The following SLC30A8 variants were observed in gnomAD, a reference collection of about 807,000 sequenced individuals.
The protein encoded by SLC30A8 is proton-coupled zinc antiporter SLC30A8.
In SLC30A8, 27 loss-of-function variants were observed where a neutral mutation model predicts 36.9. That is an observed-to-expected ratio of 0.73 (90% confidence interval 0.54 to 1.01). The LOEUF is 1.01. SLC30A8 is among the 50% of genes least tolerant of loss of function. SLC30A8 has a pLI of 0.00. For synonymous variants in SLC30A8, 164 were observed against 172.4 expected, an observed-to-expected ratio of 0.95 and a Z score of 0.38; for missense variants, 439 against 452.0, an observed-to-expected ratio of 0.97 and a Z score of 0.26.
intron 2 of SLC30A8, among the ~76,000 whole-genome samples, chr8:117,063,462 T>C (rs1406995562): frequency 1.3e-5 from 2 of 151,906 alleles, no homozygotes; most frequent in Non-Finnish European, 2.9e-5. Context: ...AATCAGGCCA[T>C]TTTTTTTCCC....
At chr8:116,993,409 C>T (rs1457490671) in intron 1 of SLC30A8, among the ~76,000 whole-genome samples, 1 of 151,960 alleles carries the variant, frequency 6.6e-6, no homozygotes, top group Non-Finnish European at 1.5e-5. Context: ...ATTTAACTGT[C>T]TACTAGAGGA....
intron 2 of SLC30A8, among the ~76,000 whole-genome samples, chr8:117,117,381 C>T (rs981425915): frequency 6.6e-6 from 1 of 151,838 alleles, no homozygotes; most frequent in African/African-American, 2.4e-5. Context: ...GTAACATCAC[C>T]TCAGTAAGAG....
intron 4 of SLC30A8, among the ~76,000 whole-genome samples, chr8:117,160,438 C>G (rs371738781): frequency 7.7e-6 from 1 of 130,652 alleles, no homozygotes; most frequent in East Asian, 2.7e-4. Flanking sequence ...TGTGTGTGCG[C>G]GCACATGTGC....
intron 2 of SLC30A8, among the ~76,000 whole-genome samples, chr8:117,053,150 T>C (rs1424848731): frequency 2.0e-5 from 3 of 152,104 alleles, no homozygotes; most frequent in African/African-American, 7.2e-5. Context: ...CCTGGCCTCG[T>C]GATCTGCCGG....
chr8:117,033,493 T>G (rs577389734), intron 1 of SLC30A8, among the ~76,000 whole-genome samples: 29 of 152,194 alleles, frequency 1.9e-4, no homozygotes, highest in Non-Finnish European at 4.0e-4. Flanking sequence ...GAGCACTGAT[T>G]AATGTGTTTG....
intron 1 of SLC30A8, among the ~76,000 whole-genome samples, chr8:117,020,552 A>G (rs1247270752): frequency 6.6e-6 from 1 of 152,162 alleles, no homozygotes; most frequent in East Asian, 1.9e-4. Flanking sequence ...TAAAAATCCA[A>G]ATAATTAAGT....
At chr8:116,980,308 G>A (rs1293246606) in intron 1 of SLC30A8, among the ~76,000 whole-genome samples, 1 of 152,176 alleles carries the variant, frequency 6.6e-6, no homozygotes, top group African/African-American at 2.4e-5. Flanking sequence ...CTGAAATGGG[G>A]AGTCTTGTCC....
chr8:117,091,582 C>T (rs2130831250), intron 2 of SLC30A8, among the ~76,000 whole-genome samples: 1 of 152,094 alleles, frequency 6.6e-6, no homozygotes, highest in African/African-American at 2.4e-5. Flanking sequence ...GGGAAATAAA[C>T]CCTGTGGACC....
At chr8:117,005,420 C>T (rs533659794) in intron 1 of SLC30A8, among the ~76,000 whole-genome samples, 12 of 152,270 alleles carry the variant, frequency 7.9e-5, no homozygotes, top group East Asian at 5.8e-4. Context: ...ATTTTTATTG[C>T]GGACCAATAT....
chr8:117,085,618 T>C (rs1471383601), intron 2 of SLC30A8, among the ~76,000 whole-genome samples: 1 of 152,194 alleles, frequency 6.6e-6, no homozygotes, highest in Admixed American at 6.5e-5. Flanking sequence ...CATAATAACT[T>C]TCCCTTACTA....
chr8:117,146,567 T>A (rs1047618950), intron 1 of SLC30A8, among the ~76,000 whole-genome samples: 1 of 152,130 alleles, frequency 6.6e-6, no homozygotes, highest in Non-Finnish European at 1.5e-5. Context: ...TATACACATA[T>A]CGTAATGTAC....
chr8:117,063,905 TCTTA>T (rs1818091072), intron 2 of SLC30A8, among the ~76,000 whole-genome samples: 1 of 152,148 alleles, frequency 6.6e-6, no homozygotes. Context: ...GGCTGTTTTG[TCTTA>T]CTTTTCTATT....
intron 2 of SLC30A8, among the ~76,000 whole-genome samples, chr8:117,122,701 T>A (rs948246299): frequency 6.6e-6 from 1 of 152,022 alleles, no homozygotes; most frequent in Non-Finnish European, 1.5e-5. Flanking sequence ...CATGCCACAC[T>A]CAGGCTCTGG....
intron 2 of SLC30A8, among the ~76,000 whole-genome samples, chr8:117,108,202 G>A (rs1201962249): frequency 6.6e-6 from 1 of 152,134 alleles, no homozygotes; most frequent in African/African-American, 2.4e-5. Flanking sequence ...AATATTTTAT[G>A]TTTAATACTT....
rs150825855 is a variant in SLC30A8 at position 116,967,370 on chromosome 8, T to A, written c.-266+16251T>A. Among the ~76,000 whole-genome samples the A allele has an allele frequency of 2.2e-3, 337 of 152,342 alleles. 3 individuals are homozygous for A. The highest frequency in any genetic ancestry group is 7.8e-3 in the African/African-American group (324 of 41,578). On this transcript the variant is annotated intron_variant, in intron 1 of 10. Transcript: ENST00000427715. Reference sequence around the variant, plus strand: ...TTTTTAGATTGCCTGGAGAATTAATTTAATTTGAGCTAGTGTCTATCTGAT... The same window carrying A: ...TTTTTAGATTGCCTGGAGAATTAATATAATTTGAGCTAGTGTCTATCTGAT...
At chr8:117,155,452 A>C (rs1415337537) in intron 3 of SLC30A8, among the ~76,000 whole-genome samples, 2 of 152,134 alleles carry the variant, frequency 1.3e-5, no homozygotes, top group African/African-American at 4.8e-5. Flanking sequence ...TGCAAAGGGG[A>C]GTCGTAAGTA....
At chr8:116,972,527 T>C (rs770747147) in intron 1 of SLC30A8, among the ~76,000 whole-genome samples, 1 of 152,356 alleles carries the variant, frequency 6.6e-6, no homozygotes, top group South Asian at 2.1e-4. Context: ...GTTTTTCACC[T>C]TCAGCAGACC....
intron 2 of SLC30A8, among the ~76,000 whole-genome samples, chr8:117,052,188 A>G (rs2130773966): frequency 6.6e-6 from 1 of 152,080 alleles, no homozygotes; most frequent in South Asian, 2.1e-4. Context: ...TTTTTCTATT[A>G]TTAGTAGAGA....
At chr8:117,029,209 C>A (rs184129222) in intron 1 of SLC30A8, among the ~76,000 whole-genome samples, 4 of 152,128 alleles carry the variant, frequency 2.6e-5, no homozygotes, top group Non-Finnish European at 4.4e-5. Context: ...TAGTATCAGT[C>A]GATGAGTTCA....
Sources: gnomAD v4.1 joint callset for allele counts (sites outside exome capture counted in the v4.1 genomes callset) on GRCh38, gnomAD v4.1.1 for gene constraint, MANE v1.5 for transcripts, NCBI Gene and HGNC (gene_info 2026-07-23, HGNC 2026-07-21) for gene names.